COPG2: variants seen among roughly 807,000 people sequenced by gnomAD.
COPG2 encodes coatomer subunit gamma-2.
Under a neutral mutation model 46.3 loss-of-function variants are expected in COPG2, and 37 were observed. The ratio of observed to expected loss-of-function variants is 0.80; its 90% CI spans 0.61 to 1.05. The LOEUF (loss-of-function observed/expected upper bound fraction) is 1.05, where lower values mean the gene tolerates loss of function less well. Ranked by LOEUF, COPG2 falls within the 50% of genes least tolerant of loss-of-function variation. The probability of loss-of-function intolerance (pLI) is 0.00; values close to 1 mark genes in which losing one functional copy is unlikely to be tolerated. For synonymous variants in COPG2, 159 were observed against 129.7 expected (o/e 1.23, Z -1.53); for missense variants, 427 against 387.8 (o/e 1.10, Z -0.85).
chr7:130,507,531 G>A, intron 22 of COPG2, 154 bp downstream of exon 22: 1 of 662,698 alleles, frequency 1.5e-6, no homozygotes, highest in Non-Finnish European at 2.7e-6. Context: ...GAAAATGGCT[G>A]ATCAATTAGA....
At chr7:130,589,899 T>C (rs1437122313) in intron 9 of COPG2, among the ~76,000 whole-genome samples, 2 of 152,204 alleles carry the variant, frequency 1.3e-5, no homozygotes, top group Non-Finnish European at 2.9e-5. Context: ...CTTTATATAT[T>C]TGGATACTAG....
intron 5 of COPG2, among the ~76,000 whole-genome samples, chr7:130,642,832 G>A (rs755609475): frequency 2.0e-5 from 3 of 152,120 alleles, no homozygotes; most frequent in Non-Finnish European, 2.9e-5. Flanking sequence ...AGACCAGCCC[G>A]GCCAACATGG....
At chr7:130,508,144 T>G (rs961093381) in intron 21 of COPG2, 7 of 263,706 alleles carry the variant, frequency 2.7e-5, no homozygotes, top group Non-Finnish European at 5.0e-5. Context: ...TTAAAAAAAG[T>G]TTTCCCTCCA....
At chr7:130,568,420 C>G (rs1436073666) in intron 9 of COPG2, among the ~76,000 whole-genome samples, 1 of 152,144 alleles carries the variant, frequency 6.6e-6, no homozygotes, top group Admixed American at 6.5e-5. Context: ...GCTATTATAT[C>G]AGACAAAACG....
At chr7:130,656,536 A>G (rs1255557591) in intron 4 of COPG2, among the ~76,000 whole-genome samples, 1 of 152,196 alleles carries the variant, frequency 6.6e-6, no homozygotes, top group Non-Finnish European at 1.5e-5. Flanking sequence ...GGCATCATAT[A>G]TACATTTTTT....
chr7:130,534,505 G>GCAT (rs1799860184), intron 20 of COPG2, among the ~76,000 whole-genome samples: 1 of 152,124 alleles, frequency 6.6e-6, no homozygotes, highest in African/African-American at 2.4e-5. Context: ...CTCCAATGGG[G>GCAT]GTGGGGGGCA....
intron 4 of COPG2, among the ~76,000 whole-genome samples, chr7:130,661,511 T>C (rs2116261921): frequency 6.6e-6 from 1 of 152,352 alleles, no homozygotes; most frequent in South Asian, 2.1e-4. Flanking sequence ...AACCCTGAAT[T>C]TCTGCTACAG....
At chr7:130,531,833 T>A (rs1317466975) in intron 20 of COPG2, among the ~76,000 whole-genome samples, 1 of 41,524 alleles carries the variant, frequency 2.4e-5, no homozygotes, top group Non-Finnish European at 4.5e-5. Flanking sequence ...GATTCTTATC[T>A]GGGATGGGGG....
chr7:130,571,787 A>G (rs1793905515), intron 9 of COPG2, among the ~76,000 whole-genome samples: 1 of 152,110 alleles, frequency 6.6e-6, no homozygotes, highest in Non-Finnish European at 1.5e-5. Flanking sequence ...GAAATATGGA[A>G]CCAGCCCAAA....
At chr7:130,634,391 T>C (rs1268967071) in intron 5 of COPG2, among the ~76,000 whole-genome samples, 1 of 152,228 alleles carries the variant, frequency 6.6e-6, no homozygotes, top group African/African-American at 2.4e-5. Flanking sequence ...TCCTCTCTTA[T>C]TTCCTTGAGA....
chr7:130,648,119 T>G (rs1795655640), intron 5 of COPG2, among the ~76,000 whole-genome samples: 1 of 152,210 alleles, frequency 6.6e-6, no homozygotes, highest in Non-Finnish European at 1.5e-5. Context: ...TATTCTTTTG[T>G]GAAGTATGTG....
intron 7 of COPG2, among the ~76,000 whole-genome samples, chr7:130,612,653 T>A (rs1794873162): frequency 6.6e-6 from 1 of 152,238 alleles, no homozygotes; most frequent in African/African-American, 2.4e-5. Context: ...TGTATTTAGA[T>A]GTCTTACACA....
intron 20 of COPG2, among the ~76,000 whole-genome samples, chr7:130,526,522 CAG>C (rs1240752004): frequency 6.6e-6 from 1 of 151,894 alleles, no homozygotes; most frequent in Non-Finnish European, 1.5e-5. Context: ...CTACAGAAGA[CAG>C]GGTGGAGGGG....
intron 5 of COPG2, among the ~76,000 whole-genome samples, chr7:130,651,474 T>C (rs1795739706): frequency 2.1e-5 from 3 of 140,830 alleles, no homozygotes; most frequent in South Asian, 4.6e-4. Context: ...GTGCTACCAA[T>C]GCCTGGCTAA....
chr7:130,611,413 C>T (rs1794847407), intron 8 of COPG2, among the ~76,000 whole-genome samples: 1 of 152,152 alleles, frequency 6.6e-6, no homozygotes, highest in Admixed American at 6.5e-5. Flanking sequence ...GCTCTCGGGT[C>T]CAGGGCTTTA....
intron 20 of COPG2, among the ~76,000 whole-genome samples, chr7:130,534,493 G>C (rs920089149): frequency 6.6e-6 from 1 of 151,912 alleles, no homozygotes; most frequent in Non-Finnish European, 1.5e-5. Context: ...GATGTCATGA[G>C]GCTCCAATGG....
chr7:130,574,584 C>T (rs978700393), intron 9 of COPG2, among the ~76,000 whole-genome samples: 1 of 152,074 alleles, frequency 6.6e-6, no homozygotes, highest in Non-Finnish European at 1.5e-5. Context: ...AGAGCCTACC[C>T]AAATGAGAAG....
At chr7:130,560,042 C>T (rs1288044840) in intron 12 of COPG2, among the ~76,000 whole-genome samples, 1 of 151,984 alleles carries the variant, frequency 6.6e-6, no homozygotes, top group Non-Finnish European at 1.5e-5. Flanking sequence ...AAAGGAAAGG[C>T]ATTTGGATTG....
chr7:130,638,021 C>T (rs537610879), intron 5 of COPG2, among the ~76,000 whole-genome samples: 81 of 152,188 alleles, frequency 5.3e-4, no homozygotes, highest in Non-Finnish European at 1.1e-3. Context: ...AGGTCCACTC[C>T]AGACCCTGTT....
Sources: allele counts gnomAD v4.1 joint callset (sites outside exome capture counted in the v4.1 genomes callset), GRCh38; gene constraint gnomAD v4.1.1; transcripts MANE v1.5; gene names NCBI Gene and HGNC (gene_info 2026-07-23, HGNC 2026-07-21).